Variants in GRIA1 observed in about 807,000 individuals in gnomAD.
GRIA1 encodes the protein glutamate ionotropic receptor AMPA type subunit 1, also known as glutamate receptor 1.
In GRIA1, 31 loss-of-function variants were observed where a neutral mutation model predicts 99.2. The ratio of observed to expected loss-of-function variants is 0.31; its 90% CI spans 0.23 to 0.42. The LOEUF (loss-of-function observed/expected upper bound fraction) is 0.42, where lower values mean the gene tolerates loss of function less well. Among genes scored for constraint, GRIA1 ranks in the 10% least tolerant of loss-of-function variants. The pLI is 1.00. For synonymous variants in GRIA1, 438 were observed against 432.4 expected (o/e 1.01, Z -0.16); for missense variants, 782 against 1,157.5 (o/e 0.68, Z 4.71).
chr5:153,759,408 T>C (rs1763033412), intron 11 of GRIA1, among the ~76,000 whole-genome samples: 1 of 151,604 alleles, frequency 6.6e-6, no homozygotes, highest in Non-Finnish European at 1.5e-5. Flanking sequence ...ATATAAAGGA[T>C]CATAAGAGAC....
rs143181880 is a variant in GRIA1 at position 153,736,306 on chromosome 5, CA to C, written c.1824-28126del. On this transcript the variant is annotated intron_variant, in intron 11 of 15. Coordinates refer to ENST00000285900, the MANE Select transcript of GRIA1 (RefSeq NM_000827.4). Reference sequence around the variant, plus strand: ...CTATAAAGAGACTGAACTCAAATTCCAATGCCTTTTTATCAAAATGCATATG... The same window carrying C: ...CTATAAAGAGACTGAACTCAAATTCCATGCCTTTTTATCAAAATGCATATG... Among the ~76,000 whole-genome samples, 1,419 of 152,296 alleles carry C rather than the reference CA, an allele frequency of 9.3e-3. 14 individuals carry two copies. The highest frequency in any genetic ancestry group is 0.032 in the African/African-American group (1,337 of 41,568).
At chr5:153,585,063 TA>T (rs1224224187) in intron 2 of GRIA1, among the ~76,000 whole-genome samples, 2 of 152,174 alleles carry the variant, frequency 1.3e-5, no homozygotes, top group Admixed American at 1.3e-4. Flanking sequence ...AACAATGAAG[TA>T]AGTATTAACA....
chr5:153,525,145 T>C (rs2113394880), intron 2 of GRIA1: 1 of 152,354 alleles, frequency 6.6e-6, no homozygotes, highest in Admixed American at 6.5e-5. Flanking sequence ...CTCATCCAAT[T>C]GTTAAGACGA....
intron 7 of GRIA1, among the ~76,000 whole-genome samples, chr5:153,685,066 A>G (rs1757250399): frequency 6.6e-6 from 1 of 152,234 alleles, no homozygotes; most frequent in Non-Finnish European, 1.5e-5. Flanking sequence ...AGAAAAAAAT[A>G]TAAAACTCTG....
At chr5:153,699,591 T>A (rs1414124795) in intron 10 of GRIA1, among the ~76,000 whole-genome samples, 1 of 152,172 alleles carries the variant, frequency 6.6e-6, no homozygotes, top group African/African-American at 2.4e-5. Flanking sequence ...TATCAAATAA[T>A]ACTTTTTTCA....
chr5:153,644,776 T>A (rs1754016422), intron 2 of GRIA1, among the ~76,000 whole-genome samples: 1 of 151,718 alleles, frequency 6.6e-6, no homozygotes, highest in Admixed American at 6.6e-5. Context: ...AAAGGAGTGA[T>A]GTTTGCAAAG....
intron 11 of GRIA1, among the ~76,000 whole-genome samples, chr5:153,734,172 C>T (rs1257938050): frequency 1.3e-5 from 2 of 152,150 alleles, no homozygotes; most frequent in East Asian, 1.9e-4. Context: ...TGTTGTTATT[C>T]ACCAACCCTT....
At chr5:153,745,538 G>A (rs1356191939) in intron 11 of GRIA1, among the ~76,000 whole-genome samples, 11 of 142,588 alleles carry the variant, frequency 7.7e-5, no homozygotes, top group Admixed American at 2.2e-4. Flanking sequence ...ACAGTGAGCC[G>A]AGTTCACGCC....
intron 5 of GRIA1, among the ~76,000 whole-genome samples, chr5:153,666,886 G>A (rs1277283676): frequency 6.6e-6 from 1 of 152,134 alleles, no homozygotes; most frequent in Admixed American, 6.5e-5. Flanking sequence ...CAGAGCCTCA[G>A]AGAACAAATC....
intron 2 of GRIA1, among the ~76,000 whole-genome samples, chr5:153,566,188 C>A (rs1761594001): frequency 6.6e-6 from 1 of 151,436 alleles, no homozygotes; most frequent in Non-Finnish European, 1.5e-5. Flanking sequence ...GAAGTGGTAT[C>A]TCATTGTGGT....
rs201603963 is a variant in GRIA1, at chr5:153,741,946, A to AAAG, written c.1824-22486_1824-22485insGAA. On this transcript the variant is annotated intron_variant, in intron 11 of 15. Coordinates refer to ENST00000285900, the MANE Select transcript of GRIA1 (RefSeq NM_000827.4). Reference sequence around the variant, plus strand: ...CTAAAGCTTTTTTTAAAAAAAAAAAAAAAAGAAAAAGAGGAAATATGCCTA... The same window carrying AAAG: ...CTAAAGCTTTTTTTAAAAAAAAAAAAAAGAAAAGAAAAAGAGGAAATATGCCTA... Among the ~76,000 whole-genome samples, 457 of 149,866 alleles carry AAAG rather than the reference A, an allele frequency of 3.0e-3. 3 individuals carry two copies. The highest frequency in any genetic ancestry group is 0.017 in the East Asian group (86 of 5,074).
intron 5 of GRIA1, among the ~76,000 whole-genome samples, chr5:153,672,655 T>G (rs571432609): frequency 3.8e-4 from 58 of 152,308 alleles, no homozygotes; most frequent in African/African-American, 1.2e-3. Context: ...TCTATTCTTT[T>G]AGATAGAAAA....
At chr5:153,554,000 C>A (rs1050325792) in intron 2 of GRIA1, among the ~76,000 whole-genome samples, 2 of 152,112 alleles carry the variant, frequency 1.3e-5, no homozygotes, top group Non-Finnish European at 2.9e-5. Flanking sequence ...CCCTTCCCCA[C>A]CCAGTTATTG....
chr5:153,776,853 G>A (rs961659365), intron 13 of GRIA1, among the ~76,000 whole-genome samples: 11 of 152,270 alleles, frequency 7.2e-5, no homozygotes, highest in African/African-American at 2.6e-4. Flanking sequence ...CCCATACTGG[G>A]ACGATAAAAC....
chr5:153,732,925 C>CTTTTTTT (rs1288005494), intron 11 of GRIA1, among the ~76,000 whole-genome samples: 5 of 127,310 alleles, frequency 3.9e-5, no homozygotes, highest in Non-Finnish European at 6.6e-5. Flanking sequence ...AGTTAAATTT[C>CTTTTTTT]TTTTTTTTTT....
At chr5:153,555,290 A>G (rs963542524) in intron 2 of GRIA1, among the ~76,000 whole-genome samples, 3 of 151,568 alleles carry the variant, frequency 2.0e-5, no homozygotes, top group African/African-American at 7.3e-5. Flanking sequence ...TGATATACCT[A>G]ACTTTGAAGG....
At chr5:153,518,903 A>T (rs1756874165) in intron 2 of GRIA1, among the ~76,000 whole-genome samples, 1 of 152,146 alleles carries the variant, frequency 6.6e-6, no homozygotes, top group Non-Finnish European at 1.5e-5. Context: ...GAAGCACTAG[A>T]TCAGTGATTC....
At position 153,705,019 on chromosome 5, in the gene GRIA1, GA is replaced by G. The variant is rs1221600004; in HGVS notation, c.1453-673del. On this transcript the variant is annotated intron_variant, in intron 10 of 15. Coordinates refer to ENST00000285900, the MANE Select transcript of GRIA1 (RefSeq NM_000827.4). ...TTACTCAGGACTATCTTGGTTGCAG[GA>G]AAAAGAAACCCAATTCAAACTGACT... 7.2e-5 allele frequency among the ~76,000 whole-genome samples: 11 copies of G among 152,260 alleles called. No individual in the cohort carries two copies. In the South Asian group the frequency reaches 1.0e-3, roughly 14 times the overall value.
At chr5:153,595,516 G>A (rs915233788) in intron 2 of GRIA1, among the ~76,000 whole-genome samples, 1 of 152,066 alleles carries the variant, frequency 6.6e-6, no homozygotes, top group African/African-American at 2.4e-5. Flanking sequence ...TGAGGGCAGA[G>A]TGTCTATGTA....
Sources: gnomAD v4.1 joint callset for allele counts (sites outside exome capture counted in the v4.1 genomes callset) on GRCh38, gnomAD v4.1.1 for gene constraint, MANE v1.5 for transcripts, NCBI Gene and HGNC (gene_info 2026-07-23, HGNC 2026-07-21) for gene names.